FER: variants seen among roughly 807,000 people sequenced by gnomAD.
FER encodes tyrosine-protein kinase Fer.
Under a neutral mutation model 111.0 loss-of-function variants are expected in FER, and 63 were observed. The observed-to-expected ratio is 0.57, with a 90% CI of 0.46 to 0.70. FER has a LOEUF of 0.70. Among genes scored for constraint, FER ranks in the 30% least tolerant of loss-of-function variants. The pLI is 0.00. For missense variants in FER, 914 were observed against 954.0 expected (o/e 0.96, Z 0.55); for synonymous variants, 327 against 313.9 (o/e 1.04, Z -0.44).
intron 13 of FER, among the ~76,000 whole-genome samples, chr5:109,036,004 GT>G (rs1440506096): frequency 1.3e-5 from 2 of 152,042 alleles, no homozygotes; most frequent in African/African-American, 4.8e-5. Context: ...TGGGTTCTTT[GT>G]TTTGTTGTTG....
intron 16 of FER, among the ~76,000 whole-genome samples, chr5:109,086,795 T>G (rs1777613621): frequency 6.6e-6 from 1 of 151,386 alleles, no homozygotes; most frequent in African/African-American, 2.4e-5. Context: ...TGCTAGAGCT[T>G]CCATACAAAG....
intron 17 of FER, among the ~76,000 whole-genome samples, chr5:109,114,636 G>A (rs1750015981): frequency 6.6e-6 from 1 of 151,926 alleles, no homozygotes; most frequent in Admixed American, 6.6e-5. Context: ...TCTGAAAGAA[G>A]TTACAGAAAA....
intron 5 of FER, among the ~76,000 whole-genome samples, chr5:108,837,934 T>C (rs1239195078): frequency 6.6e-6 from 1 of 152,156 alleles, no homozygotes; most frequent in East Asian, 1.9e-4. Context: ...GTATTCATGA[T>C]AGTATTTTTC....
At chr5:108,923,929 A>G (rs1022300424) in intron 10 of FER, among the ~76,000 whole-genome samples, 1 of 152,204 alleles carries the variant, frequency 6.6e-6, no homozygotes, top group African/African-American at 2.4e-5. Flanking sequence ...TAGCACAGCT[A>G]TCTGCAAGGT....
intron 1 of FER, 77 bp from the exon 2 acceptor site, chr5:108,768,016 C>G (rs933390820): frequency 1.3e-5 from 2 of 152,134 alleles, no homozygotes; most frequent in East Asian, 3.9e-4. Flanking sequence ...CAGGAATAGC[C>G]AAGTATACTG....
chr5:108,907,307 T>TC (rs1283996295), intron 10 of FER, among the ~76,000 whole-genome samples: 5 of 152,066 alleles, frequency 3.3e-5, no homozygotes, highest in Non-Finnish European at 7.4e-5. Flanking sequence ...TCTTTTCTTT[T>TC]TTTTTGAGAT....
At chr5:108,798,730 C>T (rs1241143314) in intron 3 of FER, among the ~76,000 whole-genome samples, 1 of 152,064 alleles carries the variant, frequency 6.6e-6, no homozygotes, top group Non-Finnish European at 1.5e-5. Context: ...TGACTGTAGT[C>T]CTAGCTACTT....
chr5:109,090,105 G>A (rs1350509124), intron 16 of FER, among the ~76,000 whole-genome samples: 2 of 152,170 alleles, frequency 1.3e-5, no homozygotes, highest in African/African-American at 4.8e-5. Context: ...CACCACTGCT[G>A]AGGAGCCAAT....
chr5:109,015,553 T>G (rs771817009), intron 13 of FER, among the ~76,000 whole-genome samples: 43 of 151,872 alleles, frequency 2.8e-4, no homozygotes, highest in Admixed American at 5.3e-4. Context: ...AGCTTCTATC[T>G]GCCAGTGGAG....
chr5:109,175,062 A>T (rs1335025001), intron 17 of FER, among the ~76,000 whole-genome samples: 1 of 152,192 alleles, frequency 6.6e-6, no homozygotes, highest in Non-Finnish European at 1.5e-5. Flanking sequence ...GCATATAGTA[A>T]ATACTATTTA....
chr5:109,143,722 T>TG (rs200035056), intron 17 of FER, among the ~76,000 whole-genome samples: 36,637 of 151,586 alleles, frequency 0.24, 4,584 homozygotes, highest in Non-Finnish European at 0.26. Flanking sequence ...TGTTTTGTTT[T>TG]TTTTTGAAAG....
intron 11 of FER, among the ~76,000 whole-genome samples, chr5:108,946,987 C>A (rs1207026120): frequency 6.6e-6 from 1 of 151,940 alleles, no homozygotes; most frequent in Non-Finnish European, 1.5e-5. Flanking sequence ...ATTTATAATT[C>A]TTCCAAGGTT....
At position 109,070,025 on chromosome 5, in the gene FER, A is replaced by C. The variant is rs138143504; in HGVS notation, c.1924+22827A>C. 5.1e-3 allele frequency among the ~76,000 whole-genome samples: 778 copies of C among 152,178 alleles called. 3 individuals are homozygous for C. Among genetic ancestry groups the C allele is most frequent in the Non-Finnish European group, 9.2e-3 (622 of 67,918 alleles). On this transcript the variant is annotated intron_variant, in intron 16 of 19. Transcript: ENST00000281092. The stretch of plus-strand genomic sequence containing the variant: ...TTTACAGTAGCAATCTTAAACGTTG[A>C]GATTTGCCTATTCTCCTCATTAAGT...
At chr5:108,961,655 C>T (rs1436628243) in intron 13 of FER, among the ~76,000 whole-genome samples, 2 of 152,202 alleles carry the variant, frequency 1.3e-5, no homozygotes, top group East Asian at 3.9e-4. Context: ...ATCATTATCT[C>T]AGTTTGTTGC....
chr5:108,884,224 C>G (rs1250879460), intron 9 of FER, among the ~76,000 whole-genome samples: 1 of 151,946 alleles, frequency 6.6e-6, no homozygotes, highest in African/African-American at 2.4e-5. Context: ...TTTGATTTAT[C>G]AAGACTCTCA....
chr5:108,863,811 CAT>C (rs1238864117), intron 5 of FER, among the ~76,000 whole-genome samples: 2 of 152,144 alleles, frequency 1.3e-5, no homozygotes, highest in Non-Finnish European at 2.9e-5. Context: ...TATATAAACA[CAT>C]ATTTGATTAT....
intron 17 of FER, among the ~76,000 whole-genome samples, chr5:109,113,416 A>G (rs1339585336): frequency 1.3e-5 from 2 of 152,162 alleles, no homozygotes; most frequent in Non-Finnish European, 2.9e-5. Context: ...GAAACAGGAT[A>G]TTTCAGGAAT....
chr5:108,968,499 A>G (rs1331672677), intron 13 of FER, among the ~76,000 whole-genome samples: 1 of 152,214 alleles, frequency 6.6e-6, no homozygotes, highest in Admixed American at 6.5e-5. Context: ...AGGAAATAAA[A>G]ATTTATGTGA....
chr5:108,785,625 T>A (rs1231775370), intron 2 of FER: 3 of 381,248 alleles, frequency 7.9e-6, no homozygotes, highest in African/African-American at 4.2e-5. Context: ...GTCTCAGGCC[T>A]TATGGTGAAG....
Sources: allele counts gnomAD v4.1 joint callset (sites outside exome capture counted in the v4.1 genomes callset), GRCh38; gene constraint gnomAD v4.1.1; transcripts MANE v1.5; gene names NCBI Gene and HGNC (gene_info 2026-07-23, HGNC 2026-07-21).